TRAPPC9: variants seen among roughly 807,000 people sequenced by gnomAD.
The protein encoded by TRAPPC9 is IKK2 binding protein.
Under a neutral mutation model 124.0 loss-of-function variants are expected in TRAPPC9, and 83 were observed. The observed-to-expected ratio is 0.67, with a 90% CI of 0.56 to 0.80. The LOEUF (loss-of-function observed/expected upper bound fraction) is 0.80. Among genes scored for constraint, TRAPPC9 ranks in the 30% least tolerant of loss-of-function variants. The pLI is 0.00. For synonymous variants in TRAPPC9, 638 were observed against 617.5 expected (o/e 1.03, Z -0.49); for missense variants, 1,302 against 1,508.3 (o/e 0.86, Z 2.27).
At chr8:140,250,734 T>A (rs1228204095) in intron 16 of TRAPPC9, among the ~76,000 whole-genome samples, 1 of 152,190 alleles carries the variant, frequency 6.6e-6, no homozygotes, top group African/African-American at 2.4e-5. Context: ...TTCTGCCACA[T>A]ACTATGTAAA....
At chr8:139,803,113 C>A (rs1253477177) in intron 21 of TRAPPC9, among the ~76,000 whole-genome samples, 1 of 145,322 alleles carries the variant, frequency 6.9e-6, no homozygotes, top group East Asian at 2.0e-4. Context: ...TGCATCCATG[C>A]GTGAATGTGT....
At chr8:139,761,364 C>T (rs1291135965) in intron 21 of TRAPPC9, among the ~76,000 whole-genome samples, 2 of 152,212 alleles carry the variant, frequency 1.3e-5, no homozygotes. Context: ...CACAGCCGGA[C>T]ATGAAGCTTG....
intron 19 of TRAPPC9, 108 bp downstream of exon 19, chr8:139,988,617 AC>A (rs1837414181): frequency 1.3e-6 from 1 of 746,868 alleles, no homozygotes; most frequent in African/African-American, 1.7e-5. Flanking sequence ...AGGGAGACAA[AC>A]TGCCCATCCT....
chr8:140,233,078 CAG>C (rs2063639092), intron 16 of TRAPPC9, among the ~76,000 whole-genome samples: 2 of 152,232 alleles, frequency 1.3e-5, no homozygotes, highest in African/African-American at 4.8e-5. Context: ...AAAGAAATCA[CAG>C]AGCTGACAGT....
At chr8:140,116,865 AGTTCAGTGAGTAGGCG>A (rs1295692784) in intron 17 of TRAPPC9, among the ~76,000 whole-genome samples, 6 of 133,848 alleles carry the variant, frequency 4.5e-5, no homozygotes, top group African/African-American at 2.2e-4. Context: ...AAGTAGGCGG[AGTTCAGTGAGTAGGCG>A]GAGTTCAGTG....
intron 9 of TRAPPC9, among the ~76,000 whole-genome samples, chr8:140,333,467 G>T (rs1320207162): frequency 4.6e-5 from 7 of 152,098 alleles, no homozygotes; most frequent in African/African-American, 7.2e-5. Flanking sequence ...ATCTCAGCTC[G>T]TTGCAACCTC....
At chr8:140,293,340 T>C (rs2065715613) in intron 11 of TRAPPC9, among the ~76,000 whole-genome samples, 1 of 151,604 alleles carries the variant, frequency 6.6e-6, no homozygotes, top group Admixed American at 6.6e-5. Flanking sequence ...AGAAATACCA[T>C]TTGACCCAGC....
At chr8:139,821,168 T>A (rs190075488) in intron 21 of TRAPPC9, among the ~76,000 whole-genome samples, 128 of 152,314 alleles carry the variant, frequency 8.4e-4, no homozygotes, top group African/African-American at 2.8e-3. Context: ...GCAGAGAACG[T>A]GAACAGGGCA....
At chr8:140,215,647 G>GAA (rs61147507) in intron 17 of TRAPPC9, among the ~76,000 whole-genome samples, 76 of 137,068 alleles carry the variant, frequency 5.5e-4, no homozygotes, top group Admixed American at 1.3e-3. Context: ...CTCCATCTCC[G>GAA]AAAAAAAAAA....
chr8:140,015,909 G>A (rs955813478), intron 18 of TRAPPC9, among the ~76,000 whole-genome samples: 3 of 152,116 alleles, frequency 2.0e-5, no homozygotes, highest in Admixed American at 6.5e-5. Context: ...CACCTTCCCC[G>A]GCTGCCCACC....
chr8:140,416,730 T>G (rs529454564), intron 5 of TRAPPC9, among the ~76,000 whole-genome samples: 1 of 152,218 alleles, frequency 6.6e-6, no homozygotes, highest in Non-Finnish European at 1.5e-5. Flanking sequence ...TTAAATTTCA[T>G]ATGGAACCAA....
At chr8:140,140,484 G>A (rs970337790) in intron 17 of TRAPPC9, among the ~76,000 whole-genome samples, 8 of 152,088 alleles carry the variant, frequency 5.3e-5, no homozygotes, top group Non-Finnish European at 1.0e-4. Context: ...CAGTATGCTT[G>A]GTGTTATCTG....
intron 15 of TRAPPC9, among the ~76,000 whole-genome samples, chr8:140,255,014 G>A (rs1588022046): frequency 6.6e-6 from 1 of 152,214 alleles, no homozygotes; most frequent in African/African-American, 2.4e-5. Context: ...AGGACAAACT[G>A]AGCTGCAAAA....
At chr8:139,842,900 G>T (rs1035677901) in intron 21 of TRAPPC9, among the ~76,000 whole-genome samples, 1 of 152,226 alleles carries the variant, frequency 6.6e-6, no homozygotes, top group Non-Finnish European at 1.5e-5. Context: ...ATCTTAAGCA[G>T]ATTTTCATCG....
chr8:140,223,385 A>T lies in TRAPPC9; in HGVS notation c.2432-1802T>A, dbSNP rs181209842. Among the ~76,000 whole-genome samples, 19 of 152,348 alleles carry T rather than the reference A, an allele frequency of 1.2e-4. No homozygotes were observed. The East Asian group carries it at 2.1e-3, about 17-fold the overall frequency. ...ATACTGGCAGTCATTGATCCTAGGCATCGTACCACACATGAATGGATGTTT... is the reference window on the plus strand; with the variant it reads ...ATACTGGCAGTCATTGATCCTAGGCTTCGTACCACACATGAATGGATGTTT... On this transcript the variant is annotated intron_variant, in intron 16 of 22. Coordinates refer to ENST00000438773, the MANE Select transcript of TRAPPC9 (RefSeq NM_001160372.4).
intron 9 of TRAPPC9, among the ~76,000 whole-genome samples, chr8:140,354,759 A>G (rs1165581094): frequency 6.6e-6 from 1 of 152,206 alleles, no homozygotes; most frequent in African/African-American, 2.4e-5. Flanking sequence ...AGACCATCCA[A>G]TAAATTATAG....
At chr8:140,375,814 C>G (rs927437192) in intron 7 of TRAPPC9, among the ~76,000 whole-genome samples, 2 of 152,142 alleles carry the variant, frequency 1.3e-5, no homozygotes, top group African/African-American at 2.4e-5. Context: ...TTGCAGTGAT[C>G]AGAAGAACAA....
At chr8:140,253,043 T>C in intron 15 of TRAPPC9, 114 bp from the exon 16 acceptor site, 1 of 1,062,082 alleles carries the variant, frequency 9.4e-7, no homozygotes, top group East Asian at 2.5e-5. Context: ...AAGAAGAGCT[T>C]TTAAAATGTG....
At chr8:139,932,235 C>G (rs781036803) in intron 19 of TRAPPC9, 1 of 434,310 alleles carries the variant, frequency 2.3e-6, no homozygotes, top group South Asian at 1.7e-5. Flanking sequence ...GCCACTTCGC[C>G]GTGCAGCCGA....
Sources: allele counts gnomAD v4.1 joint callset (sites outside exome capture counted in the v4.1 genomes callset), GRCh38; gene constraint gnomAD v4.1.1; transcripts MANE v1.5; gene names NCBI Gene and HGNC (gene_info 2026-07-23, HGNC 2026-07-21).